The following KALRN variants were observed in gnomAD, a reference collection of about 807,000 sequenced individuals.
The protein encoded by KALRN is kalirin RhoGEF kinase.
In KALRN, 70 loss-of-function variants were observed where a neutral mutation model predicts 353.7. The observed-to-expected ratio is 0.20, with a 90% CI of 0.16 to 0.24. The LOEUF (loss-of-function observed/expected upper bound fraction) is 0.24. Among genes scored for constraint, KALRN ranks in the 10% least tolerant of loss-of-function variants. KALRN has a pLI of 1.00. For synonymous variants in KALRN, 1,391 were observed against 1,434.8 expected (o/e 0.97, Z 0.69); for missense variants, 2,791 against 3,756.7 (o/e 0.74, Z 6.72).
chr3:124,680,137 G>A (rs953399472), intron 51 of KALRN, among the ~76,000 whole-genome samples: 2 of 152,248 alleles, frequency 1.3e-5, no homozygotes, highest in African/African-American at 4.8e-5. Flanking sequence ...TGTGCCCACC[G>A]TGTGAAGGAA....
At chr3:124,192,480 T>C (rs2075028122) in intron 1 of KALRN, among the ~76,000 whole-genome samples, 1 of 152,152 alleles carries the variant, frequency 6.6e-6, no homozygotes, top group South Asian at 2.1e-4. Context: ...ATGGGGTGAC[T>C]ATAGTCAATA....
At chr3:124,499,987 A>G (rs1025521961) in intron 33 of KALRN, among the ~76,000 whole-genome samples, 6 of 152,212 alleles carry the variant, frequency 3.9e-5, no homozygotes, top group African/African-American at 1.4e-4. Context: ...AAATACATCT[A>G]AATACAAATA....
At chr3:124,326,379 T>C (rs948017961) in intron 7 of KALRN, among the ~76,000 whole-genome samples, 1 of 152,204 alleles carries the variant, frequency 6.6e-6, no homozygotes, top group Non-Finnish European at 1.5e-5. Flanking sequence ...TGGTAACTCT[T>C]GGTGACTTTG....
chr3:124,632,422 G>C lies in KALRN; in HGVS notation c.5185G>C (p.Ala1729Pro). ...CTGTGTCTGTCCGTTTTCCTCAGAT[G>C]CATACTCTCATTCCTCAAGCGAGAA... The part of the protein sequence containing the change: ...MDCFFPLVKD[A>P]YSHSSSENGG... Residue 1729 changes from alanine to proline, a missense_variant and splice_region_variant, in exon 35 of 60, where the codon GCA becomes CCA. This residue lies in a region of KALRN where 1,065 missense variants were observed against 1,156.4 expected (regional missense o/e 0.92). Transcript: ENST00000682506. The C allele has an allele frequency of 1.2e-6, 2 of 1,613,756 alleles. No homozygotes were observed. The highest frequency in any genetic ancestry group is 1.7e-6 in the Non-Finnish European group (2 of 1,179,804).
chr3:124,184,823 A>G (rs2074019915), intron 1 of KALRN, among the ~76,000 whole-genome samples: 1 of 152,228 alleles, frequency 6.6e-6, no homozygotes, highest in South Asian at 2.1e-4. Context: ...GTTGAATTAA[A>G]AAAATGAACA....
chr3:124,548,931 G>C (rs1370847745), intron 33 of KALRN, among the ~76,000 whole-genome samples: 1 of 152,144 alleles, frequency 6.6e-6, no homozygotes, highest in Non-Finnish European at 1.5e-5. Flanking sequence ...TGGGATTATA[G>C]GCATGAACCA....
chr3:124,561,226 TG>T (rs938930785), intron 33 of KALRN, among the ~76,000 whole-genome samples: 6 of 151,702 alleles, frequency 4.0e-5, no homozygotes, highest in African/African-American at 1.5e-4. Context: ...ACCAGGAGAG[TG>T]GGGGAGTGAA....
chr3:124,179,851 T>C (rs981012185), intron 1 of KALRN, among the ~76,000 whole-genome samples: 2 of 152,212 alleles, frequency 1.3e-5, no homozygotes, highest in African/African-American at 4.8e-5. Context: ...CTTACTCTAA[T>C]GTATTTTATT....
chr3:124,052,638 A>G (rs921246277), intron 1 of KALRN, among the ~76,000 whole-genome samples: 5 of 152,110 alleles, frequency 3.3e-5, no homozygotes, highest in Admixed American at 3.3e-4. Flanking sequence ...ATTTCCTTCC[A>G]TGCAGAACTC....
intron 1 of KALRN, among the ~76,000 whole-genome samples, chr3:124,099,588 T>C (rs1444550609): frequency 1.3e-5 from 2 of 152,242 alleles, no homozygotes; most frequent in Non-Finnish European, 2.9e-5. Context: ...GTAGTGGGAT[T>C]GCTGGATTGT....
chr3:124,632,310 G>A, intron 34 of KALRN, 110 bp from the exon 35 acceptor site: 2 of 1,068,846 alleles, frequency 1.9e-6, no homozygotes, highest in Non-Finnish European at 2.8e-6. Flanking sequence ...CAGCTGGCCT[G>A]GACATTCTGC....
intron 45 of KALRN, among the ~76,000 whole-genome samples, chr3:124,662,525 T>A (rs1264013284): frequency 5.3e-5 from 8 of 152,166 alleles, no homozygotes; most frequent in Non-Finnish European, 1.2e-4. Flanking sequence ...AGCAGGGCTA[T>A]GTGATAGAAG....
At chr3:124,668,043 GACACACAC>G (rs55672121) in intron 47 of KALRN, among the ~76,000 whole-genome samples, 16,350 of 138,226 alleles carry the variant, frequency 0.12, 1,027 homozygotes, top group East Asian at 0.2. Context: ...TGTATATCGA[GACACACAC>G]ACACACACAC....
At chr3:124,216,342 G>A (rs1380218109) in intron 1 of KALRN, among the ~76,000 whole-genome samples, 1 of 152,222 alleles carries the variant, frequency 6.6e-6, no homozygotes, top group Non-Finnish European at 1.5e-5. Flanking sequence ...TTGAACCCAA[G>A]ATAACTTGTA....
chr3:124,322,720 C>A (rs1184574949), intron 6 of KALRN, among the ~76,000 whole-genome samples: 1 of 152,178 alleles, frequency 6.6e-6, no homozygotes, highest in African/African-American at 2.4e-5. Flanking sequence ...TATTCAGACT[C>A]CTAATCCAGC....
chr3:124,199,928 T>C (rs781140037), intron 1 of KALRN, among the ~76,000 whole-genome samples: 8 of 152,218 alleles, frequency 5.3e-5, no homozygotes, highest in Non-Finnish European at 8.8e-5. Context: ...CCTACCAAGA[T>C]GCATGTTCTT....
intron 47 of KALRN, 95 bp downstream of exon 47, chr3:124,667,278 C>T: frequency 8.9e-7 from 1 of 1,118,918 alleles, no homozygotes; most frequent in Non-Finnish European, 1.2e-6. Flanking sequence ...GTTATGAACC[C>T]AGATCACATT....
At chr3:124,674,846 T>C in intron 49 of KALRN, 2 of 423,630 alleles carry the variant, frequency 4.7e-6, no homozygotes, top group Non-Finnish European at 8.2e-6. Flanking sequence ...TTCCTTTTGG[T>C]TTATAATTTT....
chr3:124,585,534 A>G (rs1004895193), intron 34 of KALRN, among the ~76,000 whole-genome samples: 1 of 152,036 alleles, frequency 6.6e-6, no homozygotes, highest in Non-Finnish European at 1.5e-5. Context: ...TGCTAATCTT[A>G]ACGTCGTGGA....
Sources: allele counts gnomAD v4.1 joint callset (sites outside exome capture counted in the v4.1 genomes callset), GRCh38; gene constraint gnomAD v4.1.1; regional missense constraint gnomAD v4.1.1; transcripts MANE v1.5; gene names NCBI Gene and HGNC (gene_info 2026-07-23, HGNC 2026-07-21).